The following MPDZ variants were observed in gnomAD, a reference collection of about 807,000 sequenced individuals.
MPDZ encodes multiple PDZ domain crumbs cell polarity complex component.
A neutral mutation model predicts 239.1 loss-of-function variants in MPDZ; 234 were observed. The ratio of observed to expected loss-of-function variants is 0.98; its 90% CI spans 0.88 to 1.09. MPDZ has a LOEUF of 1.09. Ranked by LOEUF, MPDZ falls within the 50% of genes least tolerant of loss-of-function variation. The pLI, the probability that MPDZ is intolerant of heterozygous loss-of-function variation, is 0.00. For synonymous variants in MPDZ, 1,048 were observed against 881.3 expected, an observed-to-expected ratio of 1.19 and a Z score of -3.35; for missense variants, 3,175 against 2,510.0, an observed-to-expected ratio of 1.26 and a Z score of -5.66.
At chr9:13,242,960 G>C (rs974390669) in intron 3 of MPDZ, among the ~76,000 whole-genome samples, 2 of 152,156 alleles carry the variant, frequency 1.3e-5, no homozygotes, top group Admixed American at 6.5e-5. Flanking sequence ...TTTCCCTCGG[G>C]AATGGAGAGC....
chr9:13,268,585 G>A (rs1433380455), intron 1 of MPDZ, among the ~76,000 whole-genome samples: 1 of 152,084 alleles, frequency 6.6e-6, no homozygotes, highest in Non-Finnish European at 1.5e-5. Flanking sequence ...GAGTACAGAG[G>A]AATTCAATAC....
intron 12 of MPDZ, among the ~76,000 whole-genome samples, chr9:13,202,631 G>A (rs184242534): frequency 3.3e-4 from 51 of 152,296 alleles, no homozygotes; most frequent in African/African-American, 1.1e-3. Flanking sequence ...ATAGGAATGG[G>A]ACCTAGGTGG....
At chr9:13,226,709 T>G (rs986400943) in intron 3 of MPDZ, among the ~76,000 whole-genome samples, 6 of 152,152 alleles carry the variant, frequency 3.9e-5, no homozygotes, top group African/African-American at 1.2e-4. Context: ...CCTGCTGTCA[T>G]GAAGCTTTCA....
chr9:13,221,481 T>G lies in MPDZ; in HGVS notation c.767A>C (p.Glu256Ala), dbSNP rs934113416. Reference protein sequence around the residue: ...HSNPVHWQHMETIELVNDGSG... With the variant: ...HSNPVHWQHMATIELVNDGSG... ...TCCATCATTCACCAATTCAATCGTTTCCATGTGTTGCCAGTGAACCTACAA... is the reference window on the plus strand; with the variant it reads ...TCCATCATTCACCAATTCAATCGTTGCCATGTGTTGCCAGTGAACCTACAA... The change falls in exon 7 of 47, where the codon GAA (glutamate) becomes GCA (alanine). Residue 256 changes from glutamate (E) to alanine (A), a missense_variant. Glu to Ala is a moderately radical substitution (Grantham distance 107). Transcript: ENST00000319217. 7 of 1,610,478 alleles carry G rather than the reference T, an allele frequency of 4.3e-6. No homozygotes were observed. The highest frequency in any genetic ancestry group is 5.1e-6 in the Non-Finnish European group (6 of 1,177,888).
chr9:13,121,904 G>T lies in MPDZ; in HGVS notation c.5066C>A (p.Thr1689Lys). The change falls in exon 38 of 47, where the codon ACA becomes AAA. Residue 1689 changes from threonine to lysine, a missense_variant. Thr to Lys is a moderately conservative substitution (Grantham distance 78). Coordinates refer to ENST00000319217, the MANE Select transcript of MPDZ (RefSeq NM_001378778.1). ...CAGGACATTGATTGCTTCATCATGT[G>T]TGGCCTTTCTCAAGTCAATTCCATT... ...EVNGIDLRKATHDEAINVLRQ... is the reference protein window; with the variant it reads ...EVNGIDLRKAKHDEAINVLRQ... 1 of 1,613,666 alleles carries T rather than the reference G, an allele frequency of 6.2e-7. No homozygotes were observed. The highest frequency in any genetic ancestry group is 1.1e-5 in the South Asian group (1 of 91,018).
At chr9:13,176,074 T>A (rs1375425736) in intron 20 of MPDZ, 62 bp downstream of exon 20, 2 of 1,474,796 alleles carry the variant, frequency 1.4e-6, no homozygotes, top group Non-Finnish European at 1.8e-6. Context: ...TTAGCCAGAA[T>A]AACCTTACTT....
chr9:13,150,773 T>A (rs1178203485), intron 24 of MPDZ, 85 bp from the exon 25 acceptor site: 2 of 872,164 alleles, frequency 2.3e-6, no homozygotes, highest in Non-Finnish European at 3.1e-6. Flanking sequence ...TGATTTCTTA[T>A]ATATAACACC....
intron 3 of MPDZ, among the ~76,000 whole-genome samples, chr9:13,240,755 T>C (rs1205365576): frequency 2.0e-5 from 3 of 152,024 alleles, no homozygotes; most frequent in Non-Finnish European, 2.9e-5. Flanking sequence ...ACTGATGGAC[T>C]AGTTAAATGA....
intron 3 of MPDZ, among the ~76,000 whole-genome samples, chr9:13,227,155 AGTTT>A (rs755105912): frequency 6.6e-6 from 1 of 152,160 alleles, no homozygotes; most frequent in Non-Finnish European, 1.5e-5. Context: ...TATACATAAG[AGTTT>A]GTTACCTATC....
intron 1 of MPDZ, among the ~76,000 whole-genome samples, chr9:13,274,868 C>T (rs1374651435): frequency 6.6e-6 from 1 of 151,892 alleles, no homozygotes; most frequent in Non-Finnish European, 1.5e-5. Flanking sequence ...TAGCGCTTTA[C>T]TATTTTTAAG....
At chr9:13,147,096 T>C (rs2132819356) in intron 26 of MPDZ, among the ~76,000 whole-genome samples, 1 of 152,102 alleles carries the variant, frequency 6.6e-6, no homozygotes, top group African/African-American at 2.4e-5. Context: ...CACAAATACA[T>C]GAACGATCAT....
Position 13,121,812 on chromosome 9 carries a change from C to G in MPDZ, c.5158G>C (p.Val1720Leu). 3 of 1,613,990 alleles carry G rather than the reference C, an allele frequency of 1.9e-6. No individual in the cohort carries two copies. Among genetic ancestry groups the G allele is most frequent in the Non-Finnish European group, 2.5e-6 (3 of 1,179,896 alleles). Residue 1720 changes from valine (V) to leucine (L), a missense_variant, in exon 38 of 47, where the codon GTG becomes CTG. Val to Leu is a conservative substitution (Grantham distance 32). Transcript: ENST00000319217. ...RDEAPYKEEE[V>L]CDTLTIELQK... ...AGCTCAATAGTGAGGGTGTCACACA[C>G]TTCCTCCTCTTTGTATGGGGCCTCA...
intron 1 of MPDZ, among the ~76,000 whole-genome samples, chr9:13,271,716 T>C (rs1223077718): frequency 4.6e-5 from 7 of 152,120 alleles, no homozygotes; most frequent in Admixed American, 4.6e-4. Flanking sequence ...AAACCAAGAA[T>C]GAATACGCAC....
chr9:13,240,595 A>AC (rs1965161788), intron 3 of MPDZ, among the ~76,000 whole-genome samples: 2 of 148,520 alleles, frequency 1.3e-5, no homozygotes, highest in South Asian at 4.2e-4. Flanking sequence ...AAAAAAAAAA[A>AC]AAAAAAAAAA....
chr9:13,247,507 T>C (rs899643201), intron 3 of MPDZ, 128 bp downstream of exon 3: 18 of 956,670 alleles, frequency 1.9e-5, no homozygotes, highest in Non-Finnish European at 2.5e-5. Context: ...AATGTCTCAT[T>C]TGGAGGTTTA....
rs1249506159 is a variant in MPDZ, at chr9:13,247,668, G to C, written c.150C>G (p.Ser50Arg). 6.2e-7 allele frequency: 1 copy of C among 1,613,226 alleles called. No individual in the cohort carries two copies. Among genetic ancestry groups the C allele is most frequent in the East Asian group, 2.2e-5 (1 of 44,852 alleles). ...LQSPLFSQIL[S>R]LQTSVQQLKD... ...TCAGCTGCTGTACAGAAGTCTGAAG[G>C]CTCAGAATCTGACTGAAGAGAGGGC... The change falls in exon 3 of 47, where the codon AGC (serine) becomes AGG (arginine). Residue 50 changes from serine to arginine, a missense_variant. Coordinates refer to ENST00000319217, the MANE Select transcript of MPDZ (RefSeq NM_001378778.1).
At chr9:13,238,077 T>C (rs1964525416) in intron 3 of MPDZ, among the ~76,000 whole-genome samples, 1 of 152,038 alleles carries the variant, frequency 6.6e-6, no homozygotes, top group African/African-American at 2.4e-5. Context: ...CTTGGTAAGG[T>C]TTTCCAGAAA....
chr9:13,223,848 A>G (rs1959631986), intron 4 of MPDZ, 138 bp from the exon 5 acceptor site: 2 of 804,372 alleles, frequency 2.5e-6, no homozygotes, highest in African/African-American at 1.8e-5. Context: ...ACTGGGCTAC[A>G]TAATGTGACC....
At position 13,110,636 on chromosome 9, in the gene MPDZ, C is replaced by G; in HGVS notation, c.5829G>C (p.Gln1943His). 6.2e-7 allele frequency: 1 copy of G among 1,611,780 alleles called. No homozygotes were observed. The highest frequency in any genetic ancestry group is 1.1e-5 in the South Asian group (1 of 90,826). ...LKNASGSIEMQVVAGGDVSVV... is the reference protein window; with the variant it reads ...LKNASGSIEMHVVAGGDVSVV... The stretch of plus-strand genomic sequence containing the variant: ...ATTATGCTTGGGATAAAAATCTTAC[C>G]TGCATTTCAATGGAGCCAGATGCAT... Residue 1943 changes from glutamine to histidine, a missense_variant and splice_region_variant, in exon 44 of 47, where the codon CAG becomes CAC. By Grantham distance (24) the Gln-to-His change is conservative. Transcript: ENST00000319217.
Sources: gnomAD v4.1 joint callset for allele counts (sites outside exome capture counted in the v4.1 genomes callset) on GRCh38, gnomAD v4.1.1 for gene constraint, MANE v1.5 for transcripts, NCBI Gene and HGNC (gene_info 2026-07-23, HGNC 2026-07-21) for gene names.